Variants in TET1 observed in about 807,000 individuals in gnomAD.
TET1 encodes tet methylcytosine dioxygenase 1.
TET1 carries 13 observed loss-of-function variants against 148.7 expected under a neutral mutation model. The observed-to-expected ratio is 0.09, with a 90% CI of 0.06 to 0.14. The LOEUF (loss-of-function observed/expected upper bound fraction) is 0.14, where lower values mean the gene tolerates loss of function less well. TET1 is among the 10% of genes least tolerant of loss of function. The probability of loss-of-function intolerance (pLI) is 1.00; values close to 1 mark genes in which losing one functional copy is unlikely to be tolerated. For missense variants in TET1, 2,182 were observed against 2,553.8 expected (o/e 0.85, Z 3.14); for synonymous variants, 907 against 937.2 (o/e 0.97, Z 0.59).
chr10:68,656,806 A>G (rs1344628915), intron 6 of TET1, among the ~76,000 whole-genome samples: 1 of 152,038 alleles, frequency 6.6e-6, no homozygotes, highest in Non-Finnish European at 1.5e-5. Flanking sequence ...CGGGTGGATC[A>G]CCTGAGCTCA....
Position 68,572,288 on chromosome 10 carries a change from G to T in TET1, c.-51G>T. Reference sequence around the variant, plus strand: ...TCCTCAGAAGTGAGACTTTCCAAAGGACCAATGACTCTGTTTCCTGCGCCC... The same window carrying T: ...TCCTCAGAAGTGAGACTTTCCAAAGTACCAATGACTCTGTTTCCTGCGCCC... On this transcript the variant is annotated 5_prime_UTR_variant, in exon 2 of 12. Transcript: ENST00000373644. 1 of 1,472,566 alleles carries T rather than the reference G, an allele frequency of 6.8e-7. No homozygotes were observed. The highest frequency in any genetic ancestry group is 1.4e-5 in the South Asian group (1 of 71,970). The allele number at this position is 1,472,566 out of a possible 1,614,324, so 91.2% of individuals were successfully genotyped here.
At position 68,614,887 on chromosome 10, in the gene TET1, C is replaced by A. The variant is rs1589077885; in HGVS notation, c.1968+13853C>A. ...GGGCTTACAGGCGTGAGCCATCACACCCAGCCATTCTCACTTCTTTCTTGT... is the reference window on the plus strand; with the variant it reads ...GGGCTTACAGGCGTGAGCCATCACAACCAGCCATTCTCACTTCTTTCTTGT... On this transcript the variant is annotated intron_variant, in intron 3 of 11. Coordinates refer to ENST00000373644, the MANE Select transcript of TET1 (RefSeq NM_030625.3). Among the ~76,000 whole-genome samples the A allele has an allele frequency of 2.0e-5, 3 of 152,188 alleles. 1 individual carries two copies. The South Asian group carries it at 6.2e-4, about 32-fold the overall frequency.
At chr10:68,643,261 C>CAAA (rs59820865) in intron 3 of TET1, among the ~76,000 whole-genome samples, 2,651 of 91,300 alleles carry the variant, frequency 0.029, 201 homozygotes, top group South Asian at 0.11. Flanking sequence ...GACCCTGTCT[C>CAAA]AAAAAAAAAA....
chr10:68,672,884 C>A lies in TET1; in HGVS notation c.4674-11C>A, dbSNP rs748877466. 6.3e-7 allele frequency: 1 copy of A among 1,597,982 alleles called. No individual in the cohort carries two copies. Among genetic ancestry groups the A allele is most frequent in the South Asian group, 1.1e-5 (1 of 88,282 alleles). On this transcript the variant is annotated splice_polypyrimidine_tract_variant and intron_variant, in intron 7 of 11. Coordinates refer to ENST00000373644, the MANE Select transcript of TET1 (RefSeq NM_030625.3). Reference sequence around the variant, plus strand: ...TTCATCAATTCACTCTCTTGAATTACAATCTTACAGTCGTACCTGTACATG... The same window carrying A: ...TTCATCAATTCACTCTCTTGAATTAAAATCTTACAGTCGTACCTGTACATG...
intron 7 of TET1, among the ~76,000 whole-genome samples, chr10:68,668,431 C>T (rs1252050429): frequency 6.6e-6 from 1 of 152,180 alleles, no homozygotes; most frequent in Non-Finnish European, 1.5e-5. Flanking sequence ...TAGGTGGTTT[C>T]ACTTATAATC....
chr10:68,614,406 G>A (rs572053554), intron 3 of TET1, among the ~76,000 whole-genome samples: 1 of 152,200 alleles, frequency 6.6e-6, no homozygotes, highest in Non-Finnish European at 1.5e-5. Context: ...AGTGGAGAAA[G>A]GAAAAAATGT....
chr10:68,607,559 A>G (rs1407665384), intron 3 of TET1, among the ~76,000 whole-genome samples: 3 of 151,678 alleles, frequency 2.0e-5, no homozygotes, highest in Non-Finnish European at 2.9e-5. Flanking sequence ...CAGCCTCCCA[A>G]ATAGCTGGGA....
chr10:68,610,091 G>C (rs2054184880), intron 3 of TET1, among the ~76,000 whole-genome samples: 1 of 152,084 alleles, frequency 6.6e-6, no homozygotes, highest in African/African-American at 2.4e-5. Context: ...AGATCATCCT[G>C]GCTAACACAG....
chr10:68,562,081 T>C (rs79808285), intron 1 of TET1, among the ~76,000 whole-genome samples: 2,926 of 152,204 alleles, frequency 0.019, 83 homozygotes, highest in African/African-American at 0.067. Context: ...TGCAAGACCT[T>C]GGAGCGAGAA....
intron 2 of TET1, among the ~76,000 whole-genome samples, chr10:68,594,447 T>A (rs1368608839): frequency 6.6e-6 from 1 of 152,186 alleles, no homozygotes; most frequent in Non-Finnish European, 1.5e-5. Context: ...GAACAGCTAT[T>A]ACCAGCAGAA....
intron 3 of TET1, among the ~76,000 whole-genome samples, chr10:68,643,188 G>T (rs187185615): frequency 6.8e-5 from 10 of 147,150 alleles, no homozygotes; most frequent in African/African-American, 2.2e-4. Flanking sequence ...TCTAAGCCTG[G>T]GAGGTTGAAG....
chr10:68,580,079 C>T (rs549966551), intron 2 of TET1, among the ~76,000 whole-genome samples: 20 of 151,912 alleles, frequency 1.3e-4, no homozygotes, highest in African/African-American at 4.3e-4. Flanking sequence ...CAGGTGCACA[C>T]CACCACGCCC....
At chr10:68,665,765 G>A (rs980524471) in intron 6 of TET1, among the ~76,000 whole-genome samples, 2 of 151,918 alleles carry the variant, frequency 1.3e-5, no homozygotes, top group African/African-American at 2.4e-5. Context: ...GTAAGAGGAC[G>A]TATAAATATA....
chr10:68,567,600 A>AT (rs967863960), intron 1 of TET1, among the ~76,000 whole-genome samples: 17 of 149,982 alleles, frequency 1.1e-4, no homozygotes, highest in East Asian at 8.0e-4. Context: ...GGCCAGGTTT[A>AT]TTTTTTTTTA....
rs752552795 is a variant in TET1 at position 68,573,336 on chromosome 10, G to C, written c.998G>C (p.Gly333Ala). The C allele has an allele frequency of 6.2e-6, 10 of 1,613,992 alleles. No homozygotes were observed. The highest frequency in any genetic ancestry group is 1.6e-4 in the Middle Eastern group (1 of 6,062). The change falls in exon 2 of 12, where the codon GGC becomes GCC. Residue 333 changes from glycine to alanine, a missense_variant. Gly to Ala is a moderately conservative substitution (Grantham distance 60). Coordinates refer to ENST00000373644, the MANE Select transcript of TET1 (RefSeq NM_030625.3). ...PTSVIKFLLA[G>A]SKQATLGAKP... is the part of the protein sequence containing the mutation. ...TCTGTAATAAAATTCCTCTTGGCAGGCTCAAAACAAGCGACCCTTGGTGCT... is the reference window on the plus strand; with the variant it reads ...TCTGTAATAAAATTCCTCTTGGCAGCCTCAAAACAAGCGACCCTTGGTGCT...
chr10:68,669,765 T>G (rs1048077770), intron 7 of TET1, among the ~76,000 whole-genome samples: 3 of 151,966 alleles, frequency 2.0e-5, no homozygotes, highest in Non-Finnish European at 4.4e-5. Flanking sequence ...TTTTCCTGCC[T>G]CAGCCTCCCA....
chr10:68,622,521 C>T (rs913576721), intron 3 of TET1, among the ~76,000 whole-genome samples: 1 of 152,030 alleles, frequency 6.6e-6, no homozygotes, highest in African/African-American at 2.4e-5. Context: ...CTGCCTCGGC[C>T]TCCCAAAGTG....
rs768527607 is a variant in TET1 at position 68,651,828 on chromosome 10, A to G, written c.4277-18A>G. The G allele has an allele frequency of 6.3e-7, 1 of 1,598,528 alleles. No individual in the cohort carries two copies. Among genetic ancestry groups the G allele is most frequent in the Non-Finnish European group, 8.5e-7 (1 of 1,170,424 alleles). ...ATTCTGTAAAGCTTTGGGTCTAATAATCTTATTCCTTCCACAGATCGAGTT... is the reference window on the plus strand; with the variant it reads ...ATTCTGTAAAGCTTTGGGTCTAATAGTCTTATTCCTTCCACAGATCGAGTT... On this transcript the variant is annotated intron_variant, in intron 4 of 11. Transcript: ENST00000373644.
chr10:68,627,961 G>T (rs1232986015), intron 3 of TET1, among the ~76,000 whole-genome samples: 2 of 151,970 alleles, frequency 1.3e-5, no homozygotes, highest in East Asian at 3.9e-4. Flanking sequence ...AGAAAGCACT[G>T]CCGTGCCCGG....
Sources: gnomAD v4.1 joint callset for allele counts (sites outside exome capture counted in the v4.1 genomes callset) on GRCh38, gnomAD v4.1.1 for gene constraint, MANE v1.5 for transcripts, NCBI Gene and HGNC (gene_info 2026-07-23, HGNC 2026-07-21) for gene names.